Variants in TLE1 observed in about 807,000 individuals in gnomAD.
The protein encoded by TLE1 is TLE family member 1, transcriptional corepressor, also known as transducin-like enhancer protein 1.
TLE1 carries 21 observed loss-of-function variants against 89.8 expected under a neutral mutation model. The observed-to-expected ratio is 0.23, with a 90% CI of 0.17 to 0.34. The LOEUF (loss-of-function observed/expected upper bound fraction) is 0.34. Ranked by LOEUF, TLE1 falls within the 10% of genes least tolerant of loss-of-function variation. The probability of loss-of-function intolerance (pLI) is 1.00; values close to 1 mark genes in which losing one functional copy is unlikely to be tolerated. For synonymous variants in TLE1, 447 were observed against 407.6 expected, an observed-to-expected ratio of 1.10 and a Z score of -1.16; for missense variants, 795 against 1,031.2, an observed-to-expected ratio of 0.77 and a Z score of 3.14.
chr9:81,683,851 G>C lies in TLE1; in HGVS notation c.234+1825C>G, dbSNP rs184062352. 8.8e-4 allele frequency among the ~76,000 whole-genome samples: 134 copies of C among 152,168 alleles called. 1 individual carries two copies. Among genetic ancestry groups the C allele is most frequent in the African/African-American group, 1.7e-3 (69 of 41,508 alleles). ...CCTCACTCTGTATAGAAACTCATTAGAAAACTATTCTCACACCATGGTGCT... is the reference window on the plus strand; with the variant it reads ...CCTCACTCTGTATAGAAACTCATTACAAAACTATTCTCACACCATGGTGCT... On this transcript the variant is annotated intron_variant, in intron 4 of 19. Coordinates refer to ENST00000376499, the MANE Select transcript of TLE1 (RefSeq NM_005077.5).
chr9:81,617,589 C>A (rs146751913), intron 9 of TLE1, among the ~76,000 whole-genome samples: 1 of 152,214 alleles, frequency 6.6e-6, no homozygotes, highest in East Asian at 1.9e-4. Context: ...GCAGTCACAG[C>A]TATTCAGGCA....
chr9:81,607,474 G>C (rs1831846127), intron 14 of TLE1, among the ~76,000 whole-genome samples: 1 of 152,124 alleles, frequency 6.6e-6, no homozygotes, highest in South Asian at 2.1e-4. Flanking sequence ...CACCCAAGTG[G>C]GGGCTTAGCA....
chr9:81,610,542 T>C (rs1823562130), intron 13 of TLE1, among the ~76,000 whole-genome samples: 2 of 152,160 alleles, frequency 1.3e-5, no homozygotes, highest in Admixed American at 6.5e-5. Flanking sequence ...TGAGAACCAC[T>C]TCCCCATGGT....
At chr9:81,662,902 C>CCCAGGCTGG (rs1406096063) in intron 4 of TLE1, among the ~76,000 whole-genome samples, 1 of 151,938 alleles carries the variant, frequency 6.6e-6, no homozygotes, top group African/African-American at 2.4e-5. Flanking sequence ...GGCTGGAGTG[C>CCCAGGCTGG]AGTGGCATGA....
intron 4 of TLE1, among the ~76,000 whole-genome samples, chr9:81,667,323 G>A (rs887599406): frequency 1.3e-5 from 2 of 150,530 alleles, no homozygotes; most frequent in African/African-American, 4.9e-5. Context: ...TTAAACCCGG[G>A]TGGCAGAAGT....
At chr9:81,685,645 C>T (rs1159984239) in intron 4 of TLE1, 31 bp downstream of exon 4, 1 of 1,609,096 alleles carries the variant, frequency 6.2e-7, no homozygotes, top group South Asian at 1.1e-5. Context: ...ACTGATGTCT[C>T]ATTTCAGCTT....
At chr9:81,638,258 C>G (rs757492038) in intron 6 of TLE1, among the ~76,000 whole-genome samples, 1 of 152,238 alleles carries the variant, frequency 6.6e-6, no homozygotes, top group African/African-American at 2.4e-5. Flanking sequence ...TTGCCCCCAG[C>G]TCTCTTCCAA....
chr9:81,586,259 C>T (rs1052734233), intron 17 of TLE1, among the ~76,000 whole-genome samples: 8 of 152,140 alleles, frequency 5.3e-5, no homozygotes, highest in African/African-American at 1.9e-4. Flanking sequence ...CTTTGTGATC[C>T]ACCCGCCTCG....
rs778128591 is a variant in TLE1 at position 81,613,562 on chromosome 9, C to G, written c.919-41G>C. 9.3e-6 allele frequency: 15 copies of G among 1,606,822 alleles called. No homozygotes were observed. In the East Asian group the frequency reaches 3.3e-4, roughly 36 times the overall value. On this transcript the variant is annotated intron_variant, in intron 11 of 19. Coordinates refer to ENST00000376499, the MANE Select transcript of TLE1 (RefSeq NM_005077.5). ...AAATTAAATGAGTATTATTTTTAATCCAAGCCATATTACACAATTTATCAC... is the reference window on the plus strand; with the variant it reads ...AAATTAAATGAGTATTATTTTTAATGCAAGCCATATTACACAATTTATCAC...
At position 81,585,674 on chromosome 9, in the gene TLE1, G is replaced by A. The variant is rs112768572; in HGVS notation, c.1978-19C>T. The A allele has an allele frequency of 1.2e-5, 20 of 1,612,472 alleles. No individual in the cohort carries two copies. Among genetic ancestry groups the A allele is most frequent in the Non-Finnish European group, 1.6e-5 (19 of 1,179,220 alleles). ...AGAAGATCTACAAGGAGCAAGACAG[G>A]CTCACTCATTATTCCGCCTGATACA... is the stretch of plus-strand genomic sequence containing the variant. On this transcript the variant is annotated intron_variant, in intron 17 of 19. Coordinates refer to ENST00000376499, the MANE Select transcript of TLE1 (RefSeq NM_005077.5).
chr9:81,645,787 G>A (rs1401719313), intron 6 of TLE1, among the ~76,000 whole-genome samples: 1 of 152,004 alleles, frequency 6.6e-6, no homozygotes, highest in Non-Finnish European at 1.5e-5. Context: ...AATGCTTGAG[G>A]GGATAGATAC....
chr9:81,664,641 T>C (rs1193053737), intron 4 of TLE1, among the ~76,000 whole-genome samples: 2 of 152,100 alleles, frequency 1.3e-5, no homozygotes, highest in South Asian at 2.1e-4. Flanking sequence ...GGCAGGAGGA[T>C]ACCTTGAGCC....
At chr9:81,644,291 T>G (rs1301007668) in intron 6 of TLE1, among the ~76,000 whole-genome samples, 2 of 152,204 alleles carry the variant, frequency 1.3e-5, no homozygotes, top group Non-Finnish European at 2.9e-5. Flanking sequence ...AGCAGCATTA[T>G]TCAAAATAGC....
In TLE1 at chr9:81,687,392, G is replaced by T; in HGVS notation, c.67C>A (p.Pro23Thr). The stretch of plus-strand genomic sequence containing the variant: ...TCTTTAATCCGGTCCAGGGACTCCG[G>T]GATAGTGAACTTGAAGGGCTGGCCT... ...AAGQPFKFTI[P>T]ESLDRIKEEF... The change falls in exon 2 of 20, where the codon CCG becomes ACG. Residue 23 changes from proline (P) to threonine (T), a missense_variant. Coordinates refer to ENST00000376499, the MANE Select transcript of TLE1 (RefSeq NM_005077.5). The T allele has an allele frequency of 6.2e-7, 1 of 1,611,458 alleles. No individual in the cohort carries two copies. Among genetic ancestry groups the T allele is most frequent in the Non-Finnish European group, 8.5e-7 (1 of 1,179,530 alleles).
chr9:81,683,081 A>C (rs1433054846), intron 4 of TLE1, among the ~76,000 whole-genome samples: 1 of 152,362 alleles, frequency 6.6e-6, no homozygotes, highest in African/African-American at 2.4e-5. Context: ...CAGGAAAGTC[A>C]GCAGTGAGAT....
At chr9:81,678,162 CATTATGATTTTTAT>C (rs1300567185) in intron 4 of TLE1, among the ~76,000 whole-genome samples, 2 of 152,160 alleles carry the variant, frequency 1.3e-5, no homozygotes, top group Non-Finnish European at 2.9e-5. Flanking sequence ...TTGTGCCCAC[CATTATGATTTTTAT>C]ATTGCTTCAA....
intron 14 of TLE1, among the ~76,000 whole-genome samples, chr9:81,605,800 G>T (rs192578970): frequency 3.3e-4 from 49 of 149,710 alleles, no homozygotes; most frequent in Admixed American, 5.9e-4. Flanking sequence ...GTTTCTGCAC[G>T]GCAAAAAAAA....
At chr9:81,586,775 C>A (rs1458281354) in intron 17 of TLE1, among the ~76,000 whole-genome samples, 2 of 152,052 alleles carry the variant, frequency 1.3e-5, no homozygotes, top group Non-Finnish European at 2.9e-5. Context: ...TTGAGAATTT[C>A]TCTAAGAAGT....
intron 5 of TLE1, among the ~76,000 whole-genome samples, chr9:81,652,590 G>A (rs923275812): frequency 1.3e-5 from 2 of 152,032 alleles, no homozygotes; most frequent in South Asian, 4.1e-4. Flanking sequence ...AAAATAAATA[G>A]AACAGAATTT....
Sources: allele counts gnomAD v4.1 joint callset (sites outside exome capture counted in the v4.1 genomes callset), GRCh38; gene constraint gnomAD v4.1.1; transcripts MANE v1.5; gene names NCBI Gene and HGNC (gene_info 2026-07-23, HGNC 2026-07-21).